The following SLCO1B1 variants were observed in gnomAD, a reference collection of about 807,000 sequenced individuals.
SLCO1B1 encodes the protein OATP-2.
In SLCO1B1, 81 loss-of-function variants were observed where a neutral mutation model predicts 70.1. That is an observed-to-expected ratio of 1.16 (90% CI 0.97 to 1.39). The LOEUF is 1.39. Ranked by LOEUF, SLCO1B1 falls within the 40% of genes most tolerant of loss-of-function variation. The pLI is 0.00. For missense variants in SLCO1B1, 895 were observed against 799.6 expected, an observed-to-expected ratio of 1.12 and a Z score of -1.44; for synonymous variants, 283 against 271.5, an observed-to-expected ratio of 1.04 and a Z score of -0.42.
intron 11 of SLCO1B1, among the ~76,000 whole-genome samples, chr12:21,209,028 G>C (rs1941246461): frequency 6.6e-6 from 1 of 151,232 alleles, no homozygotes; most frequent in Non-Finnish European, 1.5e-5. Flanking sequence ...TTTTGGCAGA[G>C]TATTTAGGGT....
intron 9 of SLCO1B1, among the ~76,000 whole-genome samples, chr12:21,201,394 A>G (rs1424190871): frequency 6.6e-6 from 1 of 152,144 alleles, no homozygotes; most frequent in Non-Finnish European, 1.5e-5. Context: ...AAATCGAAAA[A>G]TAATGTTTTG....
intron 2 of SLCO1B1, 83 bp downstream of exon 2, chr12:21,141,741 A>G (rs1176783212): frequency 2.6e-6 from 2 of 776,184 alleles, no homozygotes; most frequent in South Asian, 1.6e-5. Flanking sequence ...TAAAAAGAAC[A>G]TTATGTTTCA....
chr12:21,227,100 A>G (rs927961405), intron 14 of SLCO1B1, among the ~76,000 whole-genome samples: 6 of 152,136 alleles, frequency 3.9e-5, no homozygotes, highest in African/African-American at 1.4e-4. Flanking sequence ...ACAGATAACT[A>G]TACTCCCAAA....
Position 21,134,403 on chromosome 12 carries a change from T to G in SLCO1B1, c.-62+3167T>G, listed in dbSNP as rs539062052. Among the ~76,000 whole-genome samples the G allele has an allele frequency of 7.9e-5, 12 of 152,196 alleles. No homozygotes were observed. The South Asian group carries it at 1.7e-3, about 21-fold the overall frequency. ...CTATTGATTGGAATAGTTTCAGAAG[T>G]ATTGGTACCAGTTCCTCCTTGTACC... is the stretch of plus-strand genomic sequence containing the variant. On this transcript the variant is annotated intron_variant, in intron 1 of 14. Transcript: ENST00000256958.
At chr12:21,212,067 G>T (rs1253459819) in intron 11 of SLCO1B1, among the ~76,000 whole-genome samples, 7 of 146,762 alleles carry the variant, frequency 4.8e-5, no homozygotes, top group Non-Finnish European at 8.9e-5. Context: ...ATTTCCTTCA[G>T]TTCTGCTCTG....
chr12:21,172,660 C>A lies in SLCO1B1; in HGVS notation c.95C>A (p.Ala32Glu), dbSNP rs918985116. The A allele has an allele frequency of 3.1e-6, 5 of 1,613,704 alleles. No individual in the cohort carries two copies. The highest frequency in any genetic ancestry group is 4.2e-6 in the Non-Finnish European group (5 of 1,179,840). ...TCTGATTTTTCTTAGATGTTCTTGGCAGCTCTGTCACTCAGCTTTATTGCT... is the reference window on the plus strand; with the variant it reads ...TCTGATTTTTCTTAGATGTTCTTGGAAGCTCTGTCACTCAGCTTTATTGCT... ...RYCNGLKMFL[A>E]ALSLSFIAKT... is the part of the protein sequence containing the mutation. Residue 32 changes from alanine to glutamate, a missense_variant, in exon 3 of 15, where the codon GCA becomes GAA. By Grantham distance (107) the Ala-to-Glu change is moderately radical. Coordinates refer to ENST00000256958, the MANE Select transcript of SLCO1B1 (RefSeq NM_006446.5).
intron 2 of SLCO1B1, among the ~76,000 whole-genome samples, chr12:21,163,791 C>T (rs1019584466): frequency 6.6e-6 from 1 of 152,086 alleles, no homozygotes; most frequent in Non-Finnish European, 1.5e-5. Flanking sequence ...CTCCTGATAC[C>T]ATCACATTGG....
At chr12:21,205,689 T>TA (rs1392407209) in intron 10 of SLCO1B1, among the ~76,000 whole-genome samples, 179 bp from the exon 11 acceptor site, 1 of 151,598 alleles carries the variant, frequency 6.6e-6, no homozygotes, top group South Asian at 2.1e-4. Flanking sequence ...AAATAAGCAT[T>TA]AAAAAAAACT....
At chr12:21,147,428 C>A (rs1591798490) in intron 2 of SLCO1B1, among the ~76,000 whole-genome samples, 2 of 152,146 alleles carry the variant, frequency 1.3e-5, no homozygotes, top group Non-Finnish European at 2.9e-5. Context: ...TAATGCTACT[C>A]CCTAGCCCCC....
intron 2 of SLCO1B1, among the ~76,000 whole-genome samples, chr12:21,170,337 T>G (rs1940742031): frequency 6.6e-6 from 1 of 152,168 alleles, no homozygotes; most frequent in African/African-American, 2.4e-5. Flanking sequence ...AGCCTGGAGG[T>G]ACAGAAACCT....
intron 8 of SLCO1B1, among the ~76,000 whole-genome samples, chr12:21,197,734 T>C (rs4149061): frequency 0.53 from 79,729 of 151,474 alleles, 21,554 homozygotes; most frequent in East Asian, 0.72. Flanking sequence ...TTTCTCCCTA[T>C]GTAATTAGAG....
chr12:21,184,806 A>G (rs1471913440), intron 7 of SLCO1B1, among the ~76,000 whole-genome samples: 3 of 152,124 alleles, frequency 2.0e-5, no homozygotes, highest in Admixed American at 6.6e-5. Context: ...CAAGTAAAAG[A>G]CACTGAGTGA....
chr12:21,159,125 A>C (rs560237365), intron 2 of SLCO1B1, among the ~76,000 whole-genome samples: 1 of 152,166 alleles, frequency 6.6e-6, no homozygotes, highest in Admixed American at 6.5e-5. Flanking sequence ...TAGTAAACAC[A>C]TGCATAAATT....
At chr12:21,232,904 G>A (rs1220501815) in intron 14 of SLCO1B1, among the ~76,000 whole-genome samples, 2 of 152,088 alleles carry the variant, frequency 1.3e-5, no homozygotes, top group African/African-American at 4.8e-5. Context: ...AGCTTTGGGG[G>A]CCAAGCCACT....
chr12:21,218,630 A>C (rs1177378358), intron 12 of SLCO1B1, among the ~76,000 whole-genome samples: 1 of 152,150 alleles, frequency 6.6e-6, no homozygotes, highest in African/African-American at 2.4e-5. Context: ...TCAAAAGGAG[A>C]AGTCTTTCAT....
chr12:21,150,021 G>A (rs933790845), intron 2 of SLCO1B1, among the ~76,000 whole-genome samples: 1 of 152,026 alleles, frequency 6.6e-6, no homozygotes, highest in African/African-American at 2.4e-5. Context: ...TAGGGGGAGG[G>A]GTGTCTGCCA....
At chr12:21,148,936 C>A (rs569075091) in intron 2 of SLCO1B1, among the ~76,000 whole-genome samples, 16 of 152,108 alleles carry the variant, frequency 1.1e-4, no homozygotes, top group Non-Finnish European at 2.4e-4. Flanking sequence ...AGAGGTCCCT[C>A]ACACCCCTTG....
At chr12:21,187,883 A>T (rs1940981626) in intron 7 of SLCO1B1, among the ~76,000 whole-genome samples, 1 of 152,150 alleles carries the variant, frequency 6.6e-6, no homozygotes, top group African/African-American at 2.4e-5. Flanking sequence ...CTCATCAGGG[A>T]AGTTAACAGA....
intron 2 of SLCO1B1, among the ~76,000 whole-genome samples, chr12:21,160,235 G>T (rs1271452712): frequency 2.0e-5 from 3 of 151,754 alleles, no homozygotes; most frequent in Admixed American, 1.3e-4. Flanking sequence ...TATACTACAG[G>T]ACTATAGTAA....
Sources: allele counts gnomAD v4.1 joint callset (sites outside exome capture counted in the v4.1 genomes callset), GRCh38; gene constraint gnomAD v4.1.1; transcripts MANE v1.5; gene names NCBI Gene and HGNC (gene_info 2026-07-23, HGNC 2026-07-21).